TANC1: variants seen among roughly 807,000 people sequenced by gnomAD.
TANC1 encodes protein TANC1.
A neutral mutation model predicts 149.7 loss-of-function variants in TANC1; 77 were observed. The ratio of observed to expected loss-of-function variants is 0.51; its 90% CI spans 0.43 to 0.62. The LOEUF (loss-of-function observed/expected upper bound fraction) is 0.62. TANC1 is among the 20% of genes least tolerant of loss of function. TANC1 has a pLI of 0.00. For missense variants in TANC1, 1,985 were observed against 2,321.8 expected, an observed-to-expected ratio of 0.85 and a Z score of 2.98; for synonymous variants, 854 against 925.0, an observed-to-expected ratio of 0.92 and a Z score of 1.39.
Position 159,231,953 on chromosome 2 carries a change from A to G in TANC1, c.*941A>G, listed in dbSNP as rs1427296891. On this transcript the variant is annotated 3_prime_UTR_variant, in exon 27 of 27. Coordinates refer to ENST00000263635, the MANE Select transcript of TANC1 (RefSeq NM_033394.3). ...TTAGTACTTTATAGTCACATGTTGT[A>G]TATATTAAATAGCCCAGTTTTATTC... 2 of 152,554 alleles carry G rather than the reference A, an allele frequency of 1.3e-5. No homozygotes were observed. Among genetic ancestry groups the G allele is most frequent in the Non-Finnish European group, 2.9e-5 (2 of 68,032 alleles). The allele number at this position is 152,554 out of a possible 1,614,324, so 9.5% of individuals were successfully genotyped here.
At chr2:159,177,099 G>A (rs1448171096) in intron 13 of TANC1, among the ~76,000 whole-genome samples, 1 of 151,612 alleles carries the variant, frequency 6.6e-6, no homozygotes. Flanking sequence ...TAGTAGAGAC[G>A]GATTTTCACC....
At chr2:159,220,878 G>A (rs144759577) in intron 22 of TANC1, among the ~76,000 whole-genome samples, 202 of 152,194 alleles carry the variant, frequency 1.3e-3, no homozygotes, top group African/African-American at 4.5e-3. Flanking sequence ...CACCATGCCC[G>A]GACAAAGTTT....
At chr2:159,186,878 A>G in intron 15 of TANC1, 24 bp from the exon 16 acceptor site, 1 of 1,614,026 alleles carries the variant, frequency 6.2e-7, no homozygotes, top group Non-Finnish European at 8.5e-7. Flanking sequence ...GATTGTTTCC[A>G]AGATCTGTCT....
intron 4 of TANC1, among the ~76,000 whole-genome samples, chr2:159,112,325 G>A (rs375120461): frequency 2.6e-5 from 4 of 151,878 alleles, no homozygotes; most frequent in African/African-American, 4.8e-5. Context: ...CATCTTGCTC[G>A]GCTCACTGCA....
At chr2:159,225,646 C>A in intron 23 of TANC1, 42 bp from the exon 24 acceptor site, 1 of 1,535,514 alleles carries the variant, frequency 6.5e-7, no homozygotes, top group Non-Finnish European at 9.0e-7. Flanking sequence ...ATCCTTTCCG[C>A]AGGGCCTCTG....
At chr2:159,150,777 TAA>T (rs11290702) in intron 7 of TANC1, 105,931 of 360,110 alleles carry the variant, frequency 0.29, 4,680 homozygotes, top group Middle Eastern at 0.34. Flanking sequence ...GCTCATTTGT[TAA>T]AAAAAAAAAA....
intron 7 of TANC1, 42 bp downstream of exon 7, chr2:159,150,598 A>C: frequency 2.7e-3 from 3,845 of 1,426,062 alleles, no homozygotes; most frequent in Non-Finnish European, 3.4e-3. Context: ...CTCGAATCTC[A>C]TCAACCAGAG....
chr2:159,044,125 A>G (rs2040862662), intron 2 of TANC1, among the ~76,000 whole-genome samples: 1 of 152,212 alleles, frequency 6.6e-6, no homozygotes, highest in Non-Finnish European at 1.5e-5. Flanking sequence ...GTAGTCTTAT[A>G]TGTAAGTTAT....
chr2:159,219,528 T>A, intron 21 of TANC1, 164 bp from the exon 22 acceptor site: 2 of 1,232,478 alleles, frequency 1.6e-6, no homozygotes, highest in Non-Finnish European at 1.2e-6. Flanking sequence ...GTATTCCTCT[T>A]CAGCAGCGAT....
chr2:159,175,755 G>A (rs566098667), intron 12 of TANC1, among the ~76,000 whole-genome samples: 2 of 152,350 alleles, frequency 1.3e-5, no homozygotes, highest in South Asian at 2.1e-4. Flanking sequence ...CTGCTGGAAG[G>A]TGCTAGAGGG....
At chr2:159,037,143 G>A (rs536694366) in intron 2 of TANC1, among the ~76,000 whole-genome samples, 2 of 152,272 alleles carry the variant, frequency 1.3e-5, no homozygotes, top group East Asian at 1.9e-4. Flanking sequence ...GTGTCTGTTG[G>A]CTGCATAAAT....
chr2:159,192,851 T>C (rs993593208), intron 16 of TANC1, among the ~76,000 whole-genome samples: 1 of 152,200 alleles, frequency 6.6e-6, no homozygotes, highest in Non-Finnish European at 1.5e-5. Context: ...GTTTTCACCC[T>C]GTTCTTCAGG....
chr2:158,988,282 G>A (rs1267399939), intron 1 of TANC1, among the ~76,000 whole-genome samples: 5 of 150,608 alleles, frequency 3.3e-5, no homozygotes, highest in Admixed American at 6.6e-5. Flanking sequence ...AGCTGAGATC[G>A]GGCCACTGTA....
rs1391661293 is a variant in TANC1, at chr2:159,219,679, G to A, written c.3503-13G>A. The A allele has an allele frequency of 1.2e-6, 2 of 1,614,162 alleles. No homozygotes were observed. The highest frequency in any genetic ancestry group is 2.2e-5 in the East Asian group (1 of 44,890). Reference sequence around the variant, plus strand: ...CATAATGTTCATGTTCTGTGAATGGGCTTTCCTTTCAGGTGCAGCCCTTTC... The same window carrying A: ...CATAATGTTCATGTTCTGTGAATGGACTTTCCTTTCAGGTGCAGCCCTTTC... On this transcript the variant is annotated splice_polypyrimidine_tract_variant and intron_variant, in intron 21 of 26. Transcript: ENST00000263635.
intron 7 of TANC1, among the ~76,000 whole-genome samples, chr2:159,161,726 C>T (rs2054064087): frequency 6.6e-6 from 1 of 152,136 alleles, no homozygotes. Flanking sequence ...GTGATTGATT[C>T]CAAAGAGGTG....
At chr2:159,154,645 A>G (rs971171592) in intron 7 of TANC1, among the ~76,000 whole-genome samples, 3 of 152,208 alleles carry the variant, frequency 2.0e-5, no homozygotes, top group Admixed American at 6.5e-5. Flanking sequence ...TTCTGACATA[A>G]ATGTCTTTAG....
intron 4 of TANC1, among the ~76,000 whole-genome samples, chr2:159,116,942 A>G (rs1466360061): frequency 6.6e-6 from 1 of 152,220 alleles, no homozygotes; most frequent in Non-Finnish European, 1.5e-5. Flanking sequence ...ACTTCAGTCT[A>G]ATTCCAAAGC....
intron 20 of TANC1, 61 bp downstream of exon 20, chr2:159,217,691 C>T: frequency 6.3e-7 from 1 of 1,585,038 alleles, no homozygotes; most frequent in African/African-American, 1.3e-5. Context: ...TCACTATTGC[C>T]TGGCTCCCCT....
At chr2:159,121,096 A>G (rs1463325036) in intron 4 of TANC1, among the ~76,000 whole-genome samples, 1 of 152,192 alleles carries the variant, frequency 6.6e-6, no homozygotes, top group East Asian at 1.9e-4. Context: ...CTGATGGTCT[A>G]ATAACATGTT....
Sources: gnomAD v4.1 joint callset for allele counts (sites outside exome capture counted in the v4.1 genomes callset) on GRCh38, gnomAD v4.1.1 for gene constraint, MANE v1.5 for transcripts, NCBI Gene and HGNC (gene_info 2026-07-23, HGNC 2026-07-21) for gene names.